The following CEP350 variants were observed in gnomAD, a reference collection of about 807,000 sequenced individuals.
CEP350 encodes the protein centrosomal protein 350.
CEP350 carries 126 observed loss-of-function variants against 331.8 expected under a neutral mutation model. That is an observed-to-expected ratio of 0.38 (90% confidence interval 0.33 to 0.44). CEP350 has a LOEUF of 0.44. CEP350 is among the 20% of genes least tolerant of loss of function. CEP350 has a pLI of 1.00. For missense variants in CEP350, 3,406 were observed against 3,634.6 expected (o/e 0.94, Z 1.62); for synonymous variants, 1,200 against 1,259.5 (o/e 0.95, Z 1.00).
rs186818180 is a variant in CEP350 at position 180,093,075 on chromosome 1, A to G, written c.6970A>G (p.Lys2324Glu). ...TGGATTAGCTATTGAAAATCTCCAT[A>G]AAAGTGAGGAAATGTTGAAAGAGAG... ...LVGLAIENLHKSEEMLKERQS... is the reference protein window; with the variant it reads ...LVGLAIENLHESEEMLKERQS... The change falls in exon 34 of 38, where the codon AAA (lysine) becomes GAA (glutamate). Residue 2324 changes from lysine to glutamate, a missense_variant. By Grantham distance (56) the Lys-to-Glu change is moderately conservative (BLOSUM62 1). Transcript: ENST00000367607. 2.5e-6 allele frequency: 4 copies of G among 1,604,940 alleles called. No individual in the cohort carries two copies. Among genetic ancestry groups the G allele is most frequent in the Non-Finnish European group, 3.4e-6 (4 of 1,174,978 alleles).
At chr1:180,054,228 G>T (rs1657681308) in intron 24 of CEP350, among the ~76,000 whole-genome samples, 187 bp from the exon 25 acceptor site, 1 of 152,144 alleles carries the variant, frequency 6.6e-6, no homozygotes, top group South Asian at 2.1e-4. Flanking sequence ...ACATTCTAGG[G>T]CTTGCATATA....
In CEP350 at chr1:180,020,596, G is replaced by A. The variant is rs1655262784; in HGVS notation, c.2822G>A (p.Gly941Asp). ...AISSFRVRSP[G>D]PKPEGLLAQL... ...TCAAGCTTTAGAGTGAGATCCCCTG[G>A]TCCCAAACCAGAAGGGCTACTGGCA... The change falls in exon 12 of 38, where the codon GGT (glycine) becomes GAT (aspartate). Residue 941 changes from glycine (G) to aspartate (D), a missense_variant. Transcript: ENST00000367607. 6.2e-7 allele frequency: 1 copy of A among 1,613,776 alleles called. No individual in the cohort carries two copies. Among genetic ancestry groups the A allele is most frequent in the South Asian group, 1.1e-5 (1 of 91,082 alleles).
chr1:180,108,615 C>T (rs1486419849), intron 37 of CEP350, among the ~76,000 whole-genome samples: 1 of 152,180 alleles, frequency 6.6e-6, no homozygotes, highest in African/African-American at 2.4e-5. Flanking sequence ...CACACCTAGA[C>T]CATCCCTCAG....
chr1:180,088,623 G>C (rs2149112558), intron 32 of CEP350, among the ~76,000 whole-genome samples: 1 of 152,280 alleles, frequency 6.6e-6, no homozygotes, highest in East Asian at 1.9e-4. Context: ...TTTTGTTAGA[G>C]AGGTATGGCA....
intron 1 of CEP350, among the ~76,000 whole-genome samples, chr1:179,976,231 GA>G (rs34951847): frequency 2.0e-5 from 3 of 150,768 alleles, no homozygotes; most frequent in Admixed American, 1.3e-4. Context: ...CTGTAAATCA[GA>G]AAAAAAAATA....
At chr1:180,109,974 C>G (rs1257072792) in intron 37 of CEP350, among the ~76,000 whole-genome samples, 1 of 152,102 alleles carries the variant, frequency 6.6e-6, no homozygotes, top group Non-Finnish European at 1.5e-5. Flanking sequence ...AGGTTTTTTT[C>G]CCATGTATTA....
chr1:179,990,110 C>T (rs947612694), intron 3 of CEP350, among the ~76,000 whole-genome samples: 3 of 151,866 alleles, frequency 2.0e-5, no homozygotes, highest in African/African-American at 4.8e-5. Flanking sequence ...CTCTTGAACC[C>T]GTGAGGTGGA....
chr1:180,090,601 G>C (rs1558152450), intron 32 of CEP350, 113 bp from the exon 33 acceptor site: 2 of 568,584 alleles, frequency 3.5e-6, no homozygotes, highest in African/African-American at 2.1e-5. Context: ...GACATAGATT[G>C]ACATACCTAC....
chr1:180,013,728 TATTTGA>T, intron 9 of CEP350, 113 bp from the exon 10 acceptor site: 2 of 884,182 alleles, frequency 2.3e-6, no homozygotes, highest in Non-Finnish European at 3.4e-6. Context: ...GACTGTAAGA[TATTTGA>T]ATTTGAGTTT....
At chr1:180,105,979 C>T (rs1661118780) in intron 37 of CEP350, among the ~76,000 whole-genome samples, 1 of 152,178 alleles carries the variant, frequency 6.6e-6, no homozygotes, top group Admixed American at 6.5e-5. Context: ...CTTTCTTTCA[C>T]CTCTAGTTCT....
At chr1:180,002,666 A>G (rs1335508472) in intron 6 of CEP350, among the ~76,000 whole-genome samples, 1 of 152,214 alleles carries the variant, frequency 6.6e-6, no homozygotes, top group Non-Finnish European at 1.5e-5. Flanking sequence ...AGCATTGTTA[A>G]TAATAGCCAA....
chr1:180,065,300 T>A, intron 27 of CEP350, 28 bp downstream of exon 27: 1 of 1,580,656 alleles, frequency 6.3e-7, no homozygotes, highest in South Asian at 1.2e-5. Context: ...ATATCTCTTG[T>A]TTAGTTACAT....
intron 6 of CEP350, 55 bp from the exon 7 acceptor site, chr1:180,003,119 C>A: frequency 8.4e-7 from 1 of 1,186,624 alleles, no homozygotes. Context: ...GTATAACAAA[C>A]AAAACTTATA....
At chr1:179,978,969 T>C (rs1236143033) in intron 1 of CEP350, among the ~76,000 whole-genome samples, 1 of 152,168 alleles carries the variant, frequency 6.6e-6, no homozygotes, top group African/African-American at 2.4e-5. Flanking sequence ...TCTTCATCTG[T>C]TGTCGGACAC....
In CEP350 at chr1:180,113,575, A is replaced by AC. The variant is rs1364744733; in HGVS notation, c.*2414_*2415insC. The AC allele has an allele frequency of 6.6e-6, 1 of 151,906 alleles. No individual in the cohort carries two copies. The highest frequency in any genetic ancestry group is 2.1e-4 in the South Asian group (1 of 4,820). The allele number at this position is 151,906 out of a possible 1,614,324, so 9.4% of individuals were successfully genotyped here. A position where few individuals can be genotyped will look rare whatever the true frequency, so the allele number is the denominator to read the frequency against. On this transcript the variant is annotated 3_prime_UTR_variant, in exon 38 of 38. Coordinates refer to ENST00000367607, the MANE Select transcript of CEP350 (RefSeq NM_014810.5). Reference sequence around the variant, plus strand: ...TTATCTGTAGTTTGGTAGCAAAAAAAAAGAAAAAAGAATCCATAATTAGCA... The same window carrying AC: ...TTATCTGTAGTTTGGTAGCAAAAAAACAAGAAAAAAGAATCCATAATTAGCA...
At chr1:180,074,878 C>T in intron 27 of CEP350, 144 bp from the exon 28 acceptor site, 1 of 604,232 alleles carries the variant, frequency 1.7e-6, no homozygotes, top group Admixed American at 3.5e-5. Flanking sequence ...CTTCTATTAT[C>T]TCAAGCTTTT....
At chr1:180,036,878 T>C (rs1465611424) in intron 16 of CEP350, 48 bp from the exon 17 acceptor site, 1 of 1,442,722 alleles carries the variant, frequency 6.9e-7, no homozygotes, top group Admixed American at 3.1e-5. Flanking sequence ...GAAATCTGAG[T>C]GTAATTTCAT....
In CEP350 at chr1:180,084,091, AG is replaced by A. The variant is rs774148805; in HGVS notation, c.6199del (p.Val2067LeufsTer2). On this transcript the variant is annotated frameshift_variant, in exon 31 of 38. Coordinates refer to ENST00000367607, the MANE Select transcript of CEP350 (RefSeq NM_014810.5). LOFTEE classifies it high-confidence loss of function. ...LKDELRKRKS[V>X]VNQLKKEQKK... is the part of the protein sequence containing the mutation. Reference sequence around the variant, plus strand: ...AGGATGAGTTGCGGAAAAGAAAATCAGTTGTGAACCAGCTGAAGAAGGAACA... The same window carrying A: ...AGGATGAGTTGCGGAAAAGAAAATCATTGTGAACCAGCTGAAGAAGGAACA... The A allele has an allele frequency of 6.3e-7, 1 of 1,598,956 alleles. No individual in the cohort carries two copies. The highest frequency in any genetic ancestry group is 1.3e-5 in the African/African-American group (1 of 74,716).
intron 12 of CEP350, among the ~76,000 whole-genome samples, chr1:180,021,221 T>C (rs1655300436): frequency 6.6e-6 from 1 of 152,220 alleles, no homozygotes; most frequent in Non-Finnish European, 1.5e-5. Context: ...AAAATTGTTA[T>C]TATCATAAAA....
Sources: allele counts gnomAD v4.1 joint callset (sites outside exome capture counted in the v4.1 genomes callset), GRCh38; gene constraint gnomAD v4.1.1; transcripts MANE v1.5; gene names NCBI Gene and HGNC (gene_info 2026-07-23, HGNC 2026-07-21).